NARS2: variants seen among roughly 807,000 people sequenced by gnomAD.
NARS2 encodes asparaginyl-tRNA synthetase.
In NARS2, 60 loss-of-function variants were observed where a neutral mutation model predicts 62.9. The ratio of observed to expected loss-of-function variants is 0.95; its 90% CI spans 0.77 to 1.18. The LOEUF is 1.18. Among genes scored for constraint, NARS2 ranks in the 50% most tolerant of loss-of-function variants. The pLI, the probability that NARS2 is intolerant of heterozygous loss-of-function variation, is 0.00. For synonymous variants in NARS2, 196 were observed against 200.0 expected (o/e 0.98, Z 0.17); for missense variants, 619 against 576.4 (o/e 1.07, Z -0.76).
intron 6 of NARS2, among the ~76,000 whole-genome samples, chr11:78,522,929 G>A (rs538452869): frequency 2.6e-5 from 4 of 152,246 alleles, no homozygotes; most frequent in African/African-American, 7.2e-5. Flanking sequence ...CCCATCTGGA[G>A]TACTTTCAAA....
intron 9 of NARS2, among the ~76,000 whole-genome samples, chr11:78,472,730 T>C (rs1308035529): frequency 6.6e-6 from 1 of 152,216 alleles, no homozygotes; most frequent in Non-Finnish European, 1.5e-5. Flanking sequence ...TTTCGCCATC[T>C]CCCTGTTTTT....
At chr11:78,542,274 C>A (rs919914348) in intron 5 of NARS2, among the ~76,000 whole-genome samples, 5 of 152,058 alleles carry the variant, frequency 3.3e-5, no homozygotes, top group African/African-American at 1.2e-4. Flanking sequence ...AGAAAAGACG[C>A]GTGGAGTCTA....
intron 4 of NARS2, among the ~76,000 whole-genome samples, chr11:78,564,844 G>A (rs1415308063): frequency 1.3e-5 from 2 of 152,136 alleles, no homozygotes; most frequent in African/African-American, 2.4e-5. Context: ...AAAAGCATAT[G>A]CCTTAAAGCC....
At chr11:78,455,593 T>C (rs1025439474) in intron 11 of NARS2, among the ~76,000 whole-genome samples, 2 of 152,116 alleles carry the variant, frequency 1.3e-5, no homozygotes, top group Non-Finnish European at 2.9e-5. Flanking sequence ...AGATTGACTA[T>C]GATCCCCTGA....
In NARS2 at chr11:78,465,860, T is replaced by C; in HGVS notation, c.1164+16A>G. The stretch of plus-strand genomic sequence containing the variant: ...CTAAGAGGACTAACCCCAATTTATT[T>C]AGTATCTCTTCTTACCGTGTGCTGA... On this transcript the variant is annotated intron_variant, in intron 11 of 13. Transcript: ENST00000281038. The C allele has an allele frequency of 6.2e-7, 1 of 1,613,932 alleles. No individual in the cohort carries two copies. Among genetic ancestry groups the C allele is most frequent in the African/African-American group, 1.3e-5 (1 of 75,050 alleles).
chr11:78,486,652 A>AT (rs1347934991), intron 7 of NARS2, among the ~76,000 whole-genome samples: 1 of 152,210 alleles, frequency 6.6e-6, no homozygotes, highest in Non-Finnish European at 1.5e-5. Flanking sequence ...TTTCCAAAGG[A>AT]TTTTAACAGA....
intron 11 of NARS2, among the ~76,000 whole-genome samples, chr11:78,450,661 CTTGTCTTTT>C (rs1565206048): frequency 6.8e-6 from 1 of 146,052 alleles, no homozygotes; most frequent in Non-Finnish European, 1.5e-5. Flanking sequence ...CCACAAAAGC[CTTGTCTTTT>C]TTTTTTTTTT....
chr11:78,503,964 A>G lies in NARS2; in HGVS notation c.690-10769T>C, dbSNP rs1860385143. Among the ~76,000 whole-genome samples the G allele has an allele frequency of 2.6e-5, 4 of 152,212 alleles. No homozygotes were observed. The South Asian group carries it at 8.3e-4, about 32-fold the overall frequency. On this transcript the variant is annotated intron_variant, in intron 6 of 13. Coordinates refer to ENST00000281038, the MANE Select transcript of NARS2 (RefSeq NM_024678.6). ...AGGATCATGGGATGACCTATACAAA[A>G]GGCAGAGAAACTCTGGGTTGAACTA...
intron 5 of NARS2, among the ~76,000 whole-genome samples, chr11:78,549,141 G>A (rs1210954116): frequency 1.3e-5 from 2 of 152,246 alleles, no homozygotes; most frequent in Non-Finnish European, 2.9e-5. Flanking sequence ...CTTGGGGGAT[G>A]GAGGCTCCAC....
Position 78,545,311 on chromosome 11 carries a change from T to C in NARS2, c.594+14228A>G, listed in dbSNP as rs113873068. ...AGATGAACATCACTCACATATATAATTTGCACCTACTCCCAACCTCTATGC... is the reference window on the plus strand; with the variant it reads ...AGATGAACATCACTCACATATATAACTTGCACCTACTCCCAACCTCTATGC... On this transcript the variant is annotated intron_variant, in intron 5 of 13. Coordinates refer to ENST00000281038, the MANE Select transcript of NARS2 (RefSeq NM_024678.6). 8.8e-3 allele frequency among the ~76,000 whole-genome samples: 1,332 copies of C among 152,180 alleles called. 28 individuals are homozygous for C. Among genetic ancestry groups the C allele is most frequent in the African/African-American group, 0.031 (1,277 of 41,502 alleles).
intron 11 of NARS2, among the ~76,000 whole-genome samples, chr11:78,457,210 A>G (rs186345568): frequency 2.0e-5 from 3 of 152,372 alleles, no homozygotes; most frequent in East Asian, 1.9e-4. Flanking sequence ...AAGATAAATT[A>G]TAACTGTAAA....
chr11:78,462,228 TG>T (rs1232274571), intron 11 of NARS2, among the ~76,000 whole-genome samples: 5 of 151,790 alleles, frequency 3.3e-5, no homozygotes, highest in Admixed American at 1.3e-4. Flanking sequence ...TGGGCTGGAG[TG>T]ATGAAAAAAA....
Position 78,510,217 on chromosome 11 carries a change from A to T in NARS2, c.690-17022T>A, listed in dbSNP as rs1341303097. Among the ~76,000 whole-genome samples, 53 of 152,318 alleles carry T rather than the reference A, an allele frequency of 3.5e-4. No homozygotes were observed. The East Asian group carries it at 9.4e-3, about 27-fold the overall frequency. On this transcript the variant is annotated intron_variant, in intron 6 of 13. Transcript: ENST00000281038. ...ATGGATTTTTTAAAATGACCCAATTATATGCTGTCTATAAAAGATTCACTT... is the reference window on the plus strand; with the variant it reads ...ATGGATTTTTTAAAATGACCCAATTTTATGCTGTCTATAAAAGATTCACTT...
At chr11:78,569,366 G>A (rs1170843138) in intron 2 of NARS2, among the ~76,000 whole-genome samples, 1 of 152,090 alleles carries the variant, frequency 6.6e-6, no homozygotes, top group African/African-American at 2.4e-5. Context: ...TGCTGTCAAG[G>A]CTGGTCTCGA....
intron 4 of NARS2, among the ~76,000 whole-genome samples, chr11:78,565,136 T>C (rs1856701481): frequency 1.3e-5 from 2 of 152,172 alleles, no homozygotes; most frequent in South Asian, 4.1e-4. Context: ...CCTTAGCAAC[T>C]TGTCAACCAC....
At chr11:78,497,166 T>A (rs1860092360) in intron 6 of NARS2, among the ~76,000 whole-genome samples, 1 of 121,844 alleles carries the variant, frequency 8.2e-6, no homozygotes, top group Non-Finnish European at 1.6e-5. Flanking sequence ...ATGTTTAGTA[T>A]AACAAAAGTA....
chr11:78,550,984 T>C (rs780830446), intron 5 of NARS2, among the ~76,000 whole-genome samples: 20 of 152,114 alleles, frequency 1.3e-4, no homozygotes, highest in Non-Finnish European at 2.2e-4. Flanking sequence ...GACCATACAT[T>C]GTACGATTCC....
chr11:78,505,826 A>G (rs1329245613), intron 6 of NARS2, among the ~76,000 whole-genome samples: 1 of 152,194 alleles, frequency 6.6e-6, no homozygotes, highest in African/African-American at 2.4e-5. Flanking sequence ...GACAGGATAA[A>G]GAAATTCATG....
At chr11:78,460,114 G>C (rs992404289) in intron 11 of NARS2, among the ~76,000 whole-genome samples, 1 of 152,150 alleles carries the variant, frequency 6.6e-6, no homozygotes, top group Non-Finnish European at 1.5e-5. Context: ...TGATAGGAGA[G>C]AACAAAGTGG....
Sources: allele counts gnomAD v4.1 joint callset (sites outside exome capture counted in the v4.1 genomes callset), GRCh38; gene constraint gnomAD v4.1.1; transcripts MANE v1.5; gene names NCBI Gene and HGNC (gene_info 2026-07-23, HGNC 2026-07-21).